Variants in PSMA6 observed in about 807,000 individuals in gnomAD.
PSMA6 encodes proteasome subunit alpha type-6.
For missense variants in PSMA6, 170 were observed against 294.8 expected, an observed-to-expected ratio of 0.58 and a Z score of 3.10; for synonymous variants, 88 against 97.7, an observed-to-expected ratio of 0.90 and a Z score of 0.59.
chr14:35,285,067 CTG>C (rs1302913092), intron 1 of PSMA6, among the ~76,000 whole-genome samples: 3 of 152,140 alleles, frequency 2.0e-5, no homozygotes, highest in African/African-American at 7.2e-5. Flanking sequence ...GAAAATAAAA[CTG>C]GAGTCAGGTG....
At chr14:35,286,264 G>A (rs1019537027) in intron 1 of PSMA6, among the ~76,000 whole-genome samples, 56 of 152,166 alleles carry the variant, frequency 3.7e-4, no homozygotes, top group African/African-American at 1.3e-3. Context: ...ATGACCGTTC[G>A]CTTCTCCCAC....
intron 3 of PSMA6, among the ~76,000 whole-genome samples, chr14:35,309,574 T>C (rs1233583406): frequency 2.0e-5 from 3 of 152,104 alleles, no homozygotes; most frequent in African/African-American, 7.2e-5. Context: ...GGCGGATCAC[T>C]TGAGGTCAGG....
upstream of PSMA6, among the ~76,000 whole-genome samples, chr14:35,290,870 A>G (rs1245715410): frequency 6.6e-6 from 1 of 152,184 alleles, no homozygotes; most frequent in Non-Finnish European, 1.5e-5. Flanking sequence ...GCCAGCTTGG[A>G]ATTACTCTCA....
In PSMA6 at chr14:35,314,211, C is replaced by CTAAA. The variant is rs2051996180; in HGVS notation, c.589-150_589-149insTAAA. The CTAAA allele has an allele frequency of 3.4e-6, 3 of 871,540 alleles. No homozygotes were observed. In the Admixed American group the frequency reaches 1.3e-4, roughly 37 times the overall value. 54.0% of individuals were successfully genotyped at this position (871,540 alleles called of 1,614,324 possible). ...AATTTCTCATCATTGGGAGGCAATA[C>CTAAA]ATTAGAGTTAAGCAGTCTGTTAGTA... On this transcript the variant is annotated intron_variant, in intron 5 of 6. Coordinates refer to ENST00000261479, the MANE Select transcript of PSMA6 (RefSeq NM_002791.3).
Position 35,313,043 on chromosome 14 carries a change from T to A in PSMA6, c.572T>A (p.Phe191Tyr), listed in dbSNP as rs774912139. 1 of 1,577,706 alleles carries A rather than the reference T, an allele frequency of 6.3e-7. No homozygotes were observed. Among genetic ancestry groups the A allele is most frequent in the Non-Finnish European group, 8.6e-7 (1 of 1,169,294 alleles). Reference protein sequence around the residue: ...KKVKKKFDWTFEQTVETAITC... With the variant: ...KKVKKKFDWTYEQTVETAITC... Reference sequence around the variant, plus strand: ...GTGAAGAAGAAATTTGATTGGACATTTGAACAGACAGTGGAAGTAAGTCAA... The same window carrying A: ...GTGAAGAAGAAATTTGATTGGACATATGAACAGACAGTGGAAGTAAGTCAA... The change falls in exon 5 of 7, where the codon TTT (phenylalanine) becomes TAT (tyrosine). Residue 191 changes from phenylalanine (F) to tyrosine (Y), a missense_variant. Coordinates refer to ENST00000261479, the MANE Select transcript of PSMA6 (RefSeq NM_002791.3).
upstream of PSMA6, chr14:35,292,192 A>G: frequency 1.4e-6 from 1 of 703,384 alleles, no homozygotes; most frequent in Non-Finnish European, 2.0e-6. Context: ...GAAAGCCTGA[A>G]AGCGCCACGA....
chr14:35,308,857 C>T, intron 2 of PSMA6, 57 bp from the exon 3 acceptor site: 1 of 1,289,820 alleles, frequency 7.8e-7, no homozygotes, highest in Non-Finnish European at 1.1e-6. Context: ...TTTTTTATAA[C>T]TACACAGAAA....
chr14:35,283,641 G>C (rs1038925330), intron 1 of PSMA6, among the ~76,000 whole-genome samples: 3 of 148,862 alleles, frequency 2.0e-5, no homozygotes, highest in Admixed American at 6.8e-5. Flanking sequence ...CTGCAGCCTC[G>C]ACCTCCTGGG....
chr14:35,288,962 T>G (rs1465621339), upstream of PSMA6, among the ~76,000 whole-genome samples: 2 of 152,206 alleles, frequency 1.3e-5, no homozygotes, highest in African/African-American at 4.8e-5. Flanking sequence ...GAGATTTTTT[T>G]GCAATTTTTT....
chr14:35,296,604 C>T (rs2051593936), intron 1 of PSMA6, among the ~76,000 whole-genome samples: 1 of 152,152 alleles, frequency 6.6e-6, no homozygotes, highest in Non-Finnish European at 1.5e-5. Flanking sequence ...TCTGGGATTA[C>T]AAGCGTGAGC....
In PSMA6 at chr14:35,317,252, T is replaced by C. The variant is rs2052061609; in HGVS notation, c.687T>C (p.Ile229=). 2 of 1,613,024 alleles carry C rather than the reference T, an allele frequency of 1.2e-6. No homozygotes were observed. Among genetic ancestry groups the C allele is most frequent in the African/African-American group, 1.3e-5 (1 of 74,888 alleles). ...TTTTCCCCCTTTTGCCTTCTAGGATTCTTACAGAAGCAGAGATTGATGCTC... is the reference window on the plus strand; with the variant it reads ...TTTTCCCCCTTTTGCCTTCTAGGATCCTTACAGAAGCAGAGATTGATGCTC... ...VVTVENPKFR[I]LTEAEIDAHL... The change falls in exon 7 of 7, where the codon ATT becomes ATC. Residue 229 remains isoleucine, a synonymous_variant. Coordinates refer to ENST00000261479, the MANE Select transcript of PSMA6 (RefSeq NM_002791.3).
At chr14:35,312,461 C>A (rs1265504241) in intron 4 of PSMA6, among the ~76,000 whole-genome samples, 1 of 138,924 alleles carries the variant, frequency 7.2e-6, no homozygotes, top group Admixed American at 7.5e-5. Flanking sequence ...GAGCCGAGAT[C>A]GTGCCACTGC....
At chr14:35,293,138 C>T (rs1397678051) in intron 1 of PSMA6, 2 of 418,350 alleles carry the variant, frequency 4.8e-6, no homozygotes, top group African/African-American at 4.1e-5. Context: ...CAAATATCTA[C>T]AGAGTTCAAG....
At chr14:35,301,746 G>GT (rs1238997179) in intron 1 of PSMA6, among the ~76,000 whole-genome samples, 1 of 152,132 alleles carries the variant, frequency 6.6e-6, no homozygotes. Flanking sequence ...TATGTAAAAT[G>GT]TTTTTTATTT....
At chr14:35,304,846 C>T (rs970008600) in intron 1 of PSMA6, among the ~76,000 whole-genome samples, 2 of 152,112 alleles carry the variant, frequency 1.3e-5, no homozygotes, top group Non-Finnish European at 2.9e-5. Context: ...ACTCCAGAAG[C>T]CGAGGCAAGA....
chr14:35,310,828 G>A lies in PSMA6; in HGVS notation c.342G>A (p.Leu114=). ...KYGYEIPVDM[L]CKRIADISQV... is the part of the protein sequence containing the mutation. ...GCTATGAGATTCCTGTGGACATGCT[G>A]TGTAAAAGAATTGCCGATATTTCTC... is the stretch of plus-strand genomic sequence containing the variant. The change falls in exon 4 of 7, where the codon CTG becomes CTA. Residue 114 remains leucine (L), a synonymous_variant. Transcript: ENST00000261479. 6.2e-7 allele frequency: 1 copy of A among 1,613,674 alleles called. No individual in the cohort carries two copies. The highest frequency in any genetic ancestry group is 2.2e-5 in the East Asian group (1 of 44,876).
At chr14:35,311,678 G>A (rs896360295) in intron 4 of PSMA6, among the ~76,000 whole-genome samples, 2 of 152,170 alleles carry the variant, frequency 1.3e-5, no homozygotes, top group South Asian at 4.1e-4. Flanking sequence ...GTTCTACTGA[G>A]TAGAAAGAAA....
At chr14:35,303,481 T>G (rs545946425) in intron 1 of PSMA6, among the ~76,000 whole-genome samples, 2 of 152,330 alleles carry the variant, frequency 1.3e-5, no homozygotes, top group South Asian at 2.1e-4. Flanking sequence ...CAGCCTTTAC[T>G]GCTCTCAGAT....
At chr14:35,297,284 C>G (rs1464657776) in intron 1 of PSMA6, among the ~76,000 whole-genome samples, 1 of 151,928 alleles carries the variant, frequency 6.6e-6, no homozygotes, top group Non-Finnish European at 1.5e-5. Flanking sequence ...GTTGCAATCT[C>G]TGCTCACTGC....
Sources: gnomAD v4.1 joint callset for allele counts (sites outside exome capture counted in the v4.1 genomes callset) on GRCh38, gnomAD v4.1.1 for gene constraint, MANE v1.5 for transcripts, NCBI Gene and HGNC (gene_info 2026-07-23, HGNC 2026-07-21) for gene names.